The following NSMCE2 variants were observed in gnomAD, a reference collection of about 807,000 sequenced individuals.
NSMCE2 encodes the protein E3 SUMO-protein ligase NSE2.
NSMCE2 carries 24 observed loss-of-function variants against 23.8 expected under a neutral mutation model. That is an observed-to-expected ratio of 1.01 (90% CI 0.73 to 1.42). The LOEUF (loss-of-function observed/expected upper bound fraction) is 1.42. Ranked by LOEUF, NSMCE2 falls within the 40% of genes most tolerant of loss-of-function variation. The probability of loss-of-function intolerance (pLI) is 0.00; values close to 1 mark genes in which losing one functional copy is unlikely to be tolerated. For missense variants in NSMCE2, 284 were observed against 296.5 expected (o/e 0.96, Z 0.31); for synonymous variants, 92 against 94.1 (o/e 0.98, Z 0.13).
At chr8:125,192,220 TA>T (rs1823382682) in intron 5 of NSMCE2, among the ~76,000 whole-genome samples, 1 of 152,304 alleles carries the variant, frequency 6.6e-6, no homozygotes, top group South Asian at 2.1e-4. Context: ...CTTGTTGAGT[TA>T]TAATTCCTGA....
intron 4 of NSMCE2, among the ~76,000 whole-genome samples, chr8:125,173,293 G>A (rs906666362): frequency 6.6e-6 from 1 of 152,160 alleles, no homozygotes; most frequent in African/African-American, 2.4e-5. Context: ...GCAGTGATGG[G>A]GGAATTGCAA....
intron 5 of NSMCE2, among the ~76,000 whole-genome samples, chr8:125,283,783 C>G (rs185805087): frequency 2.0e-5 from 3 of 152,236 alleles, no homozygotes; most frequent in Admixed American, 2.0e-4. Context: ...CTAGAGGAAC[C>G]CAGGGCCCAT....
intron 5 of NSMCE2, among the ~76,000 whole-genome samples, chr8:125,188,980 A>G (rs770395460): frequency 1.3e-5 from 2 of 152,252 alleles, no homozygotes; most frequent in Admixed American, 6.5e-5. Flanking sequence ...GGTAGTGCCA[A>G]TAGGGAAAAT....
At chr8:125,145,717 C>G (rs139785410) in intron 3 of NSMCE2, among the ~76,000 whole-genome samples, 3 of 152,296 alleles carry the variant, frequency 2.0e-5, no homozygotes, top group African/African-American at 7.2e-5. Context: ...GAGCTCTATT[C>G]AGAAGTAATT....
chr8:125,192,248 G>A (rs1052189633), intron 5 of NSMCE2, among the ~76,000 whole-genome samples: 1 of 151,660 alleles, frequency 6.6e-6, no homozygotes, highest in African/African-American at 2.4e-5. Context: ...AATGATTTAA[G>A]TGTTATATTT....
chr8:125,205,407 A>G (rs1286086762), intron 5 of NSMCE2, among the ~76,000 whole-genome samples: 2 of 152,206 alleles, frequency 1.3e-5, no homozygotes, highest in African/African-American at 4.8e-5. Flanking sequence ...CCAAACTGAA[A>G]TATTCAACTC....
At chr8:125,338,469 T>G (rs1830132928) in intron 5 of NSMCE2, among the ~76,000 whole-genome samples, 1 of 152,236 alleles carries the variant, frequency 6.6e-6, no homozygotes. Flanking sequence ...AAGTCTTGTT[T>G]GTCCTGACAG....
intron 5 of NSMCE2, among the ~76,000 whole-genome samples, chr8:125,234,762 A>G (rs1274502551): frequency 6.6e-6 from 1 of 152,084 alleles, no homozygotes; most frequent in East Asian, 1.9e-4. Context: ...CATCTCTCTC[A>G]ATGTAAACTT....
At chr8:125,291,127 G>A (rs979042686) in intron 5 of NSMCE2, among the ~76,000 whole-genome samples, 1 of 152,136 alleles carries the variant, frequency 6.6e-6, no homozygotes, top group South Asian at 2.1e-4. Flanking sequence ...GGGGAGAGGG[G>A]TAAAGGAAGG....
intron 4 of NSMCE2, among the ~76,000 whole-genome samples, chr8:125,178,636 G>A (rs1036347919): frequency 2.0e-5 from 3 of 152,004 alleles, no homozygotes; most frequent in Non-Finnish European, 4.4e-5. Context: ...TTTGGGAGGT[G>A]GAGGCGGGCG....
At chr8:125,266,129 G>C (rs1364868742) in intron 5 of NSMCE2, among the ~76,000 whole-genome samples, 1 of 112,692 alleles carries the variant, frequency 8.9e-6, no homozygotes, top group Non-Finnish European at 1.8e-5. Flanking sequence ...TTTTGCTCTT[G>C]TTGCCCAGGC....
intron 5 of NSMCE2, among the ~76,000 whole-genome samples, chr8:125,309,188 C>T (rs968284526): frequency 9.5e-5 from 13 of 136,498 alleles, no homozygotes; most frequent in African/African-American, 3.6e-4. Flanking sequence ...GCAGAGGTTG[C>T]AATGAGCCGA....
At chr8:125,217,271 A>G (rs1289372801) in intron 5 of NSMCE2, among the ~76,000 whole-genome samples, 2 of 152,170 alleles carry the variant, frequency 1.3e-5, no homozygotes, top group Non-Finnish European at 2.9e-5. Context: ...TCTCCACTGT[A>G]ATTTTCAGGG....
At chr8:125,298,745 T>G (rs1828435873) in intron 5 of NSMCE2, among the ~76,000 whole-genome samples, 1 of 151,064 alleles carries the variant, frequency 6.6e-6, no homozygotes, top group African/African-American at 2.4e-5. Flanking sequence ...AACTTCTGAT[T>G]CATTTAAATA....
intron 3 of NSMCE2, chr8:125,130,197 T>C (rs987298409): frequency 8.8e-6 from 4 of 455,566 alleles, no homozygotes; most frequent in African/African-American, 8.0e-5. Context: ...TTATTATGAT[T>C]AGATTTGCGT....
chr8:125,141,853 T>C (rs999069275), intron 3 of NSMCE2, among the ~76,000 whole-genome samples: 14 of 152,190 alleles, frequency 9.2e-5, no homozygotes, highest in African/African-American at 2.7e-4. Context: ...CCGTTCTTCT[T>C]GCTTTGAAAC....
In NSMCE2 at chr8:125,123,965, A is replaced by G. The variant is rs142867925; in HGVS notation, c.157+21478A>G. Among the ~76,000 whole-genome samples the G allele has an allele frequency of 7.0e-3, 1,066 of 152,344 alleles. 12 individuals are homozygous for G. The highest frequency in any genetic ancestry group is 0.017 in the Middle Eastern group (5 of 294). ...TGTGGTTTTCAGAATATTCAGAGAT[A>G]TATAACCATCACCACAGTCAATTTT... On this transcript the variant is annotated intron_variant, in intron 3 of 7. Coordinates refer to ENST00000287437, the MANE Select transcript of NSMCE2 (RefSeq NM_173685.4).
intron 5 of NSMCE2, among the ~76,000 whole-genome samples, chr8:125,279,302 G>T (rs1358747462): frequency 6.6e-6 from 1 of 152,146 alleles, no homozygotes; most frequent in Non-Finnish European, 1.5e-5. Context: ...TATTGCAAAT[G>T]GTTGATTGAG....
chr8:125,169,171 A>G (rs1423749920), intron 4 of NSMCE2, among the ~76,000 whole-genome samples: 1 of 152,086 alleles, frequency 6.6e-6, no homozygotes, highest in African/African-American at 2.4e-5. Flanking sequence ...ACTCCTCCAT[A>G]ATCTCTTTGG....
Sources: gnomAD v4.1 joint callset for allele counts (sites outside exome capture counted in the v4.1 genomes callset) on GRCh38, gnomAD v4.1.1 for gene constraint, MANE v1.5 for transcripts, NCBI Gene and HGNC (gene_info 2026-07-23, HGNC 2026-07-21) for gene names.